Variants in PHLDB2 observed in about 807,000 individuals in gnomAD.
PHLDB2 encodes the protein pleckstrin homology like domain family B member 2.
PHLDB2 carries 71 observed loss-of-function variants against 123.6 expected under a neutral mutation model. The ratio of observed to expected loss-of-function variants is 0.57; its 90% CI spans 0.47 to 0.70. The LOEUF is 0.70. Ranked by LOEUF, PHLDB2 falls within the 30% of genes least tolerant of loss-of-function variation. The probability of loss-of-function intolerance (pLI) is 0.00; values close to 1 mark genes in which losing one functional copy is unlikely to be tolerated. For synonymous variants in PHLDB2, 547 were observed against 541.6 expected (o/e 1.01, Z -0.14); for missense variants, 1,446 against 1,519.5 (o/e 0.95, Z 0.80).
chr3:111,749,102 TA>T (rs34512449), intron 1 of PHLDB2, among the ~76,000 whole-genome samples: 7,497 of 143,398 alleles, frequency 0.052, 247 homozygotes, highest in Middle Eastern at 0.078. Flanking sequence ...AAGAGAAGGC[TA>T]AAAAAAAAAA....
At chr3:111,933,468 A>G (rs976544669) in intron 6 of PHLDB2, among the ~76,000 whole-genome samples, 1 of 152,266 alleles carries the variant, frequency 6.6e-6, no homozygotes, top group Non-Finnish European at 1.5e-5. Context: ...AAGCTTTTCA[A>G]TGTATTGCAG....
chr3:111,851,966 TC>T (rs1244091566), intron 2 of PHLDB2, among the ~76,000 whole-genome samples: 1 of 152,012 alleles, frequency 6.6e-6, no homozygotes, highest in Non-Finnish European at 1.5e-5. Flanking sequence ...CTTTTTTTTT[TC>T]AATATGAAAC....
At chr3:111,763,333 C>A (rs759554836) in intron 1 of PHLDB2, among the ~76,000 whole-genome samples, 2 of 152,160 alleles carry the variant, frequency 1.3e-5, no homozygotes, top group Non-Finnish European at 2.9e-5. Context: ...GGCTTTGGAG[C>A]CCAACTGTTT....
chr3:111,878,346 CTTTG>C (rs958220147), intron 1 of PHLDB2, among the ~76,000 whole-genome samples: 32 of 152,194 alleles, frequency 2.1e-4, no homozygotes, highest in African/African-American at 4.1e-4. Flanking sequence ...TGATTTGGCT[CTTTG>C]TTTGTCTGTT....
intron 1 of PHLDB2, among the ~76,000 whole-genome samples, chr3:111,882,205 T>G (rs1025516995): frequency 1.3e-5 from 2 of 152,238 alleles, no homozygotes; most frequent in Non-Finnish European, 1.5e-5. Flanking sequence ...TAAATAACAC[T>G]GAAATGTCCT....
chr3:111,935,500 A>AAGATAGATAGATAGATAGAT (rs67765854), intron 6 of PHLDB2, among the ~76,000 whole-genome samples: 28 of 145,636 alleles, frequency 1.9e-4, no homozygotes, highest in East Asian at 4.1e-4. Context: ...ATGTGTATAT[A>AAGATAGATAGATAGATAGAT]AGATAGATAG....
At chr3:111,758,041 A>T (rs900796056) in intron 1 of PHLDB2, among the ~76,000 whole-genome samples, 1 of 152,140 alleles carries the variant, frequency 6.6e-6, no homozygotes, top group Non-Finnish European at 1.5e-5. Context: ...TAGGCTGCTC[A>T]GGGGTCAGGG....
intron 1 of PHLDB2, among the ~76,000 whole-genome samples, chr3:111,866,992 G>A (rs1432326443): frequency 2.9e-5 from 4 of 137,172 alleles, no homozygotes; most frequent in Non-Finnish European, 4.8e-5. Context: ...TTTTAATTGA[G>A]GCTGGAATTC....
At chr3:111,874,096 G>A (rs1421277612) in intron 1 of PHLDB2, among the ~76,000 whole-genome samples, 1 of 152,116 alleles carries the variant, frequency 6.6e-6, no homozygotes, top group Non-Finnish European at 1.5e-5. Flanking sequence ...ATATGGGCTT[G>A]GAAGTTTGTT....
At chr3:111,866,310 G>T (rs995757488) in intron 1 of PHLDB2, among the ~76,000 whole-genome samples, 1 of 151,984 alleles carries the variant, frequency 6.6e-6, no homozygotes, top group African/African-American at 2.4e-5. Flanking sequence ...GAGCCACCGA[G>T]CCCGGCCTCA....
At chr3:111,917,491 C>T (rs1458900894) in intron 3 of PHLDB2, 1 of 152,202 alleles carries the variant, frequency 6.6e-6, no homozygotes, top group Non-Finnish European at 1.5e-5. Context: ...TAGGATTACT[C>T]ACAGTGATTC....
intron 5 of PHLDB2, among the ~76,000 whole-genome samples, chr3:111,927,028 TG>T (rs2068854205): frequency 6.6e-6 from 1 of 152,198 alleles, no homozygotes; most frequent in South Asian, 2.1e-4. Flanking sequence ...TGCTTAAACA[TG>T]GGCCATGTTT....
At chr3:111,907,741 C>T (rs1048169374) in intron 2 of PHLDB2, among the ~76,000 whole-genome samples, 2 of 152,156 alleles carry the variant, frequency 1.3e-5, no homozygotes, top group Admixed American at 6.5e-5. Context: ...ATCCACACGC[C>T]TCAACCTTCC....
At chr3:111,867,994 C>G (rs1389683537) in intron 1 of PHLDB2, among the ~76,000 whole-genome samples, 1 of 150,908 alleles carries the variant, frequency 6.6e-6, no homozygotes, top group Non-Finnish European at 1.5e-5. Context: ...AGCTACTGCT[C>G]CCAGCTCATA....
intron 1 of PHLDB2, among the ~76,000 whole-genome samples, chr3:111,883,042 G>A (rs1340694147): frequency 1.3e-5 from 2 of 152,120 alleles, no homozygotes; most frequent in Admixed American, 1.3e-4. Flanking sequence ...ATGTGCCTAA[G>A]GGTTGGAGGA....
At chr3:111,868,663 A>G (rs1018301381) in intron 1 of PHLDB2, among the ~76,000 whole-genome samples, 7 of 152,184 alleles carry the variant, frequency 4.6e-5, no homozygotes, top group Middle Eastern at 3.4e-3. Context: ...TTCAATACTT[A>G]TTGATATTGT....
chr3:111,782,299 G>A (rs1468800666), intron 1 of PHLDB2, among the ~76,000 whole-genome samples: 1 of 151,984 alleles, frequency 6.6e-6, no homozygotes, highest in African/African-American at 2.4e-5. Context: ...TCTTGAAAAG[G>A]ACATTACGTT....
At chr3:111,776,821 C>T (rs1274054960) in intron 1 of PHLDB2, among the ~76,000 whole-genome samples, 2 of 152,128 alleles carry the variant, frequency 1.3e-5, no homozygotes, top group Non-Finnish European at 2.9e-5. Flanking sequence ...TTCTCCCTTC[C>T]AATCTTTCTC....
chr3:111,935,218 G>T (rs1317662536), intron 6 of PHLDB2, among the ~76,000 whole-genome samples: 1 of 149,454 alleles, frequency 6.7e-6, no homozygotes, highest in East Asian at 2.0e-4. Flanking sequence ...TCCTGCTTCA[G>T]CCTCCTGAGC....
Sources: gnomAD v4.1 joint callset for allele counts (sites outside exome capture counted in the v4.1 genomes callset) on GRCh38, gnomAD v4.1.1 for gene constraint, MANE v1.5 for transcripts, NCBI Gene and HGNC (gene_info 2026-07-23, HGNC 2026-07-21) for gene names.